The following BRAP variants were observed in gnomAD, a reference collection of about 807,000 sequenced individuals.
BRAP encodes the protein BRCA1-associated protein.
In BRAP, 42 loss-of-function variants were observed where a neutral mutation model predicts 73.4. The observed-to-expected ratio is 0.57, with a 90% CI of 0.45 to 0.74. BRAP has a LOEUF of 0.74. Among genes scored for constraint, BRAP ranks in the 30% least tolerant of loss-of-function variants. The pLI is 0.00. For missense variants in BRAP, 593 were observed against 751.4 expected (o/e 0.79, Z 2.46); for synonymous variants, 255 against 267.4 (o/e 0.95, Z 0.45).
chr12:111,685,794 G>T lies in BRAP; in HGVS notation c.-2C>A. On this transcript the variant is annotated 5_prime_UTR_variant, in exon 1 of 12. Coordinates refer to ENST00000419234, the MANE Select transcript of BRAP (RefSeq NM_006768.5). ...GATAACAACCAGTGACACACTCATAGGGCAGGCGCTGGCCGGCGCGGGCCC... is the reference window on the plus strand; with the variant it reads ...GATAACAACCAGTGACACACTCATATGGCAGGCGCTGGCCGGCGCGGGCCC... 6.3e-7 allele frequency: 1 copy of T among 1,580,338 alleles called. No homozygotes were observed. The highest frequency in any genetic ancestry group is 2.4e-5 in the East Asian group (1 of 41,326).
At chr12:111,649,832 G>GA in intron 11 of BRAP, 107 bp downstream of exon 11, 1 of 779,818 alleles carries the variant, frequency 1.3e-6, no homozygotes, top group Non-Finnish European at 2.0e-6. Context: ...GGAGACTCCT[G>GA]AAAACCTGGT....
chr12:111,682,689 A>G (rs796860463), intron 2 of BRAP, among the ~76,000 whole-genome samples: 18 of 152,178 alleles, frequency 1.2e-4, no homozygotes, highest in African/African-American at 4.3e-4. Flanking sequence ...AGGCAGGTGG[A>G]TCACTTGAGA....
intron 7 of BRAP, 58 bp downstream of exon 7, chr12:111,660,542 G>T: frequency 6.9e-7 from 1 of 1,453,852 alleles, no homozygotes; most frequent in Non-Finnish European, 9.3e-7. Flanking sequence ...CCAGGCAGAA[G>T]AAAACTCATG....
intron 4 of BRAP, 135 bp from the exon 5 acceptor site, chr12:111,672,909 A>G: frequency 4.6e-6 from 3 of 648,554 alleles, no homozygotes; most frequent in South Asian, 2.0e-5. Context: ...GCAACCACCA[A>G]AAGTCACATC....
In BRAP at chr12:111,685,725, C is replaced by T. The variant is rs1171693224; in HGVS notation, c.68G>A (p.Gly23Asp). Reference protein sequence around the residue: ...AEHSPVPAGFGFSAAAGEMSD... With the variant: ...AEHSPVPAGFDFSAAAGEMSD... ...GCGGGACTCACCCGCGGCGCTGAAGCCGAAGCCGGCGGGGACAGGCGAGTG... is the reference window on the plus strand; with the variant it reads ...GCGGGACTCACCCGCGGCGCTGAAGTCGAAGCCGGCGGGGACAGGCGAGTG... Residue 23 changes from glycine to aspartate, a missense_variant, in exon 1 of 12, where the codon GGC becomes GAC. By Grantham distance (94) the Gly-to-Asp change is moderately conservative. This residue lies in a region of BRAP where 304 missense variants were observed against 337.7 expected (regional missense o/e 0.90). Coordinates refer to ENST00000419234, the MANE Select transcript of BRAP (RefSeq NM_006768.5). The T allele has an allele frequency of 6.2e-7, 1 of 1,607,976 alleles. No homozygotes were observed. The highest frequency in any genetic ancestry group is 2.2e-5 in the East Asian group (1 of 44,574).
At chr12:111,667,657 C>CCACTG (rs1385319493) in intron 5 of BRAP, among the ~76,000 whole-genome samples, 1 of 129,402 alleles carries the variant, frequency 7.7e-6, no homozygotes, top group Admixed American at 8.7e-5. Context: ...TGAGATCACA[C>CCACTG]CACTGCACTC....
At chr12:111,675,288 GAGA>G (rs1384255238) in intron 4 of BRAP, among the ~76,000 whole-genome samples, 4 of 151,764 alleles carry the variant, frequency 2.6e-5, no homozygotes, top group Admixed American at 2.0e-4. Flanking sequence ...AATAAAAAAG[GAGA>G]AGAAGCATGT....
chr12:111,677,201 A>T (rs958109267), intron 4 of BRAP, among the ~76,000 whole-genome samples: 14 of 152,164 alleles, frequency 9.2e-5, no homozygotes, highest in African/African-American at 3.4e-4. Context: ...ACTGTGGTGG[A>T]TTTATACGAC....
At chr12:111,677,093 A>G (rs1290230728) in intron 4 of BRAP, among the ~76,000 whole-genome samples, 3 of 152,196 alleles carry the variant, frequency 2.0e-5, no homozygotes, top group Non-Finnish European at 4.4e-5. Flanking sequence ...GCAGATGTAC[A>G]AGGAAAATTC....
intron 6 of BRAP, among the ~76,000 whole-genome samples, chr12:111,663,374 A>T (rs1167882639): frequency 6.6e-6 from 1 of 152,004 alleles, no homozygotes. Context: ...GACTGCTTGA[A>T]CCCGGGAGGT....
At chr12:111,674,590 G>T (rs967132910) in intron 4 of BRAP, among the ~76,000 whole-genome samples, 1 of 152,152 alleles carries the variant, frequency 6.6e-6, no homozygotes, top group African/African-American at 2.4e-5. Context: ...GCTGAGGAAG[G>T]ATGATCAATT....
intron 5 of BRAP, among the ~76,000 whole-genome samples, chr12:111,666,410 G>A (rs1178074019): frequency 6.6e-6 from 1 of 152,192 alleles, no homozygotes; most frequent in Admixed American, 6.5e-5. Context: ...ACTCAGTGAT[G>A]ACAGCACCAA....
At chr12:111,660,546 AC>A (rs1886707089) in intron 7 of BRAP, 53 bp downstream of exon 7, 1 of 1,475,244 alleles carries the variant, frequency 6.8e-7, no homozygotes, top group African/African-American at 1.4e-5. Context: ...GCAGAAGAAA[AC>A]TCATGACAAT....
chr12:111,672,448 T>C (rs1467423176), intron 5 of BRAP, among the ~76,000 whole-genome samples: 1 of 152,176 alleles, frequency 6.6e-6, no homozygotes, highest in African/African-American at 2.4e-5. Flanking sequence ...CTGTCATCAC[T>C]ATCTAATTCT....
intron 1 of BRAP, among the ~76,000 whole-genome samples, chr12:111,685,312 G>C (rs1457665795): frequency 6.6e-6 from 1 of 152,212 alleles, no homozygotes; most frequent in Admixed American, 6.5e-5. Flanking sequence ...ACTATGGTTA[G>C]GGGGCACTTC....
intron 7 of BRAP, among the ~76,000 whole-genome samples, chr12:111,660,174 A>T (rs1364337246): frequency 2.0e-5 from 3 of 149,192 alleles, no homozygotes; most frequent in African/African-American, 4.9e-5. Context: ...TTTATGGGTC[A>T]TTTTTTTTTT....
chr12:111,680,191 G>A (rs1224304745), intron 3 of BRAP, among the ~76,000 whole-genome samples: 1 of 151,610 alleles, frequency 6.6e-6, no homozygotes, highest in Non-Finnish European at 1.5e-5. Context: ...TCCTGACCTC[G>A]TGATCCCCCG....
intron 5 of BRAP, chr12:111,670,115 A>C: frequency 1.6e-6 from 1 of 619,430 alleles, no homozygotes; most frequent in African/African-American, 1.8e-5. Context: ...TATTTGATCC[A>C]AGTTTGATGG....
At chr12:111,647,106 C>CA (rs1405092121) in intron 11 of BRAP, among the ~76,000 whole-genome samples, 9 of 152,014 alleles carry the variant, frequency 5.9e-5, no homozygotes, top group Non-Finnish European at 1.2e-4. Context: ...CCCGTCTCTA[C>CA]AAAAAAATTT....
Sources: gnomAD v4.1 joint callset for allele counts (sites outside exome capture counted in the v4.1 genomes callset) on GRCh38, gnomAD v4.1.1 for gene constraint, gnomAD v4.1.1 regional missense constraint, MANE v1.5 for transcripts, NCBI Gene and HGNC (gene_info 2026-07-23, HGNC 2026-07-21) for gene names.